The following GULP1 variants were observed in gnomAD, a reference collection of about 807,000 sequenced individuals.
GULP1 encodes the protein PTB domain-containing engulfment adapter protein 1.
GULP1 carries 19 observed loss-of-function variants against 40.9 expected under a neutral mutation model. The ratio of observed to expected loss-of-function variants is 0.46; its 90% confidence interval spans 0.32 to 0.68. The LOEUF is 0.68. Among genes scored for constraint, GULP1 ranks in the 30% least tolerant of loss-of-function variants. The probability of loss-of-function intolerance (pLI) is 0.03; values close to 1 mark genes in which losing one functional copy is unlikely to be tolerated. For missense variants in GULP1, 312 were observed against 362.2 expected (o/e 0.86, Z 1.12); for synonymous variants, 119 against 117.6 (o/e 1.01, Z -0.08).
chr2:188,366,655 C>T (rs371610330), intron 1 of GULP1, among the ~76,000 whole-genome samples: 35 of 144,292 alleles, frequency 2.4e-4, no homozygotes, highest in African/African-American at 7.0e-4. Flanking sequence ...TGCAGTGGCG[C>T]GATCTCGGCT....
At position 188,326,449 on chromosome 2, in the gene GULP1, T is replaced by A. The variant is rs2040778841; in HGVS notation, c.-172+34283T>A. Among the ~76,000 whole-genome samples the A allele has an allele frequency of 3.9e-5, 6 of 152,020 alleles. No individual in the cohort carries two copies. In the South Asian group the frequency reaches 1.2e-3, roughly 32 times the overall value. On this transcript the variant is annotated intron_variant, in intron 1 of 11. Transcript: ENST00000409830. ...GATAGTAATACCTTCCTTATTGGGT[T>A]AATGTGAGGATTAAGATACATATCT... is the stretch of plus-strand genomic sequence containing the variant.
chr2:188,369,509 T>C (rs941343323), intron 1 of GULP1, among the ~76,000 whole-genome samples: 4 of 152,018 alleles, frequency 2.6e-5, no homozygotes, highest in Non-Finnish European at 5.9e-5. Flanking sequence ...AGATTCAGAA[T>C]TGGGACGTAA....
chr2:188,425,985 A>T (rs1028874106), intron 2 of GULP1, among the ~76,000 whole-genome samples: 15 of 152,146 alleles, frequency 9.9e-5, no homozygotes, highest in African/African-American at 2.9e-4. Context: ...GTGACCCTGG[A>T]TTGTTACACA....
chr2:188,569,330 A>G lies in GULP1; in HGVS notation c.491A>G (p.Lys164Arg). 6.4e-7 allele frequency: 1 copy of G among 1,572,494 alleles called. No homozygotes were observed. The highest frequency in any genetic ancestry group is 1.1e-5 in the South Asian group (1 of 90,270). Residue 164 changes from lysine to arginine, a missense_variant, in exon 8 of 12, where the codon AAA (lysine) becomes AGA (arginine). Transcript: ENST00000409830. ...GGAGGAAAAGATGTTGAAACAAGAA[A>G]ACAGATCGCAGGGTTACAAAAAAGA... ...ESGGKDVETR[K>R]QIAGLQKRIQ...
At chr2:188,404,463 G>A (rs1194414637) in intron 2 of GULP1, among the ~76,000 whole-genome samples, 2 of 152,182 alleles carry the variant, frequency 1.3e-5, no homozygotes, top group African/African-American at 4.8e-5. Context: ...GGAGAGAGAA[G>A]TGAGCCCTGG....
At chr2:188,468,167 G>T (rs1035139319) in intron 2 of GULP1, among the ~76,000 whole-genome samples, 1 of 152,086 alleles carries the variant, frequency 6.6e-6, no homozygotes, top group African/African-American at 2.4e-5. Context: ...AGAACTGTCT[G>T]TCAGAGAATG....
intron 1 of GULP1, among the ~76,000 whole-genome samples, chr2:188,309,100 T>A (rs1452329171): frequency 6.6e-6 from 1 of 152,176 alleles, no homozygotes; most frequent in Non-Finnish European, 1.5e-5. Flanking sequence ...CTTTTCACAG[T>A]TTGAATCCAA....
chr2:188,341,209 C>G (rs2042926111), intron 1 of GULP1, among the ~76,000 whole-genome samples: 1 of 152,042 alleles, frequency 6.6e-6, no homozygotes, highest in Non-Finnish European at 1.5e-5. Flanking sequence ...CCGGGGAGAC[C>G]TCAGGGAGCT....
chr2:188,545,522 A>G (rs1335628644), intron 7 of GULP1, among the ~76,000 whole-genome samples: 1 of 151,922 alleles, frequency 6.6e-6, no homozygotes, highest in Non-Finnish European at 1.5e-5. Context: ...AGCGCTGGGT[A>G]ACTATGATAA....
At chr2:188,399,073 A>G (rs930537613) in intron 2 of GULP1, among the ~76,000 whole-genome samples, 1 of 152,236 alleles carries the variant, frequency 6.6e-6, no homozygotes, top group Non-Finnish European at 1.5e-5. Flanking sequence ...TGTGCTATGT[A>G]CTAATCACAT....
chr2:188,312,699 C>G (rs967033743), intron 1 of GULP1, among the ~76,000 whole-genome samples: 2 of 152,080 alleles, frequency 1.3e-5, no homozygotes, highest in African/African-American at 4.8e-5. Context: ...ATTTCTAGTT[C>G]TAGATCCTTG....
intron 1 of GULP1, among the ~76,000 whole-genome samples, chr2:188,342,049 T>C (rs1262794967): frequency 6.6e-6 from 1 of 152,224 alleles, no homozygotes; most frequent in African/African-American, 2.4e-5. Flanking sequence ...TAAAAGTCCA[T>C]TTTTAGAAGT....
At chr2:188,342,022 T>A (rs1559130258) in intron 1 of GULP1, among the ~76,000 whole-genome samples, 1 of 152,236 alleles carries the variant, frequency 6.6e-6, no homozygotes, top group African/African-American at 2.4e-5. Flanking sequence ...ATATTTGAGA[T>A]TTTATTATAA....
chr2:188,415,731 A>G (rs917882373), intron 2 of GULP1, among the ~76,000 whole-genome samples: 4 of 152,192 alleles, frequency 2.6e-5, no homozygotes. Flanking sequence ...GATTAAAAGC[A>G]CAAGATTGTT....
At chr2:188,490,808 T>C (rs1020191703) in intron 4 of GULP1, among the ~76,000 whole-genome samples, 14 of 152,020 alleles carry the variant, frequency 9.2e-5, no homozygotes, top group African/African-American at 3.1e-4. Flanking sequence ...TGAAATAATT[T>C]TTATTTTATT....
At chr2:188,377,722 A>G (rs1349364998) in intron 1 of GULP1, among the ~76,000 whole-genome samples, 1 of 152,230 alleles carries the variant, frequency 6.6e-6, no homozygotes, top group Non-Finnish European at 1.5e-5. Context: ...ATTTATCAAT[A>G]AGAAAAAATT....
At chr2:188,396,917 C>T (rs758598564) in intron 2 of GULP1, among the ~76,000 whole-genome samples, 46 of 152,172 alleles carry the variant, frequency 3.0e-4, no homozygotes, top group Non-Finnish European at 4.3e-4. Flanking sequence ...ATATTGCCCA[C>T]GGCTCCCTAA....
chr2:188,488,538 A>G (rs1321655877), intron 4 of GULP1, among the ~76,000 whole-genome samples: 2 of 152,042 alleles, frequency 1.3e-5, no homozygotes, highest in Non-Finnish European at 2.9e-5. Flanking sequence ...AGTCATTACT[A>G]TCTCTTGAGA....
chr2:188,323,391 G>A (rs889195716), intron 1 of GULP1, among the ~76,000 whole-genome samples: 2 of 151,956 alleles, frequency 1.3e-5, no homozygotes, highest in African/African-American at 4.8e-5. Context: ...AGGCTGTGCT[G>A]TGGTACATAT....
Sources: gnomAD v4.1 joint callset for allele counts (sites outside exome capture counted in the v4.1 genomes callset) on GRCh38, gnomAD v4.1.1 for gene constraint, MANE v1.5 for transcripts, NCBI Gene and HGNC (gene_info 2026-07-23, HGNC 2026-07-21) for gene names.